NSMCE2: variants seen among roughly 807,000 people sequenced by gnomAD.
NSMCE2 encodes E3 SUMO-protein ligase NSE2.
NSMCE2 carries 24 observed loss-of-function variants against 23.8 expected under a neutral mutation model. That is an observed-to-expected ratio of 1.01 (90% CI 0.73 to 1.42). NSMCE2 has a LOEUF of 1.42. NSMCE2 is among the 40% of genes most tolerant of loss of function. The pLI is 0.00. For synonymous variants in NSMCE2, 92 were observed against 94.1 expected (o/e 0.98, Z 0.13); for missense variants, 284 against 296.5 (o/e 0.96, Z 0.31).
intron 5 of NSMCE2, among the ~76,000 whole-genome samples, chr8:125,184,599 A>C (rs1369676093): frequency 6.6e-6 from 1 of 152,170 alleles, no homozygotes; most frequent in Non-Finnish European, 1.5e-5. Context: ...AACAAGCAAA[A>C]TATTAATACT....
In NSMCE2 at chr8:125,261,835, G is replaced by A. The variant is rs56079107; in HGVS notation, c.418+79579G>A. Among the ~76,000 whole-genome samples the A allele has an allele frequency of 6.8e-3, 1,038 of 151,916 alleles. 10 individuals are homozygous for A. The highest frequency in any genetic ancestry group is 1.0e-2 in the Non-Finnish European group (679 of 67,960). On this transcript the variant is annotated intron_variant, in intron 5 of 7. Coordinates refer to ENST00000287437, the MANE Select transcript of NSMCE2 (RefSeq NM_173685.4). The stretch of plus-strand genomic sequence containing the variant: ...GTATTGGCTAGGCACAGTGGCTCAC[G>A]TCTGTAATCCCAGCACTTTGGGAGG...
intron 4 of NSMCE2, among the ~76,000 whole-genome samples, chr8:125,174,223 C>G (rs946992011): frequency 6.6e-6 from 1 of 152,052 alleles, no homozygotes; most frequent in African/African-American, 2.4e-5. Context: ...ATCCAAAAAC[C>G]TCTGAGCACA....
intron 5 of NSMCE2, among the ~76,000 whole-genome samples, chr8:125,194,451 G>A (rs1392389479): frequency 6.6e-6 from 1 of 152,198 alleles, no homozygotes; most frequent in Middle Eastern, 3.4e-3. Context: ...TTGCTGAGTA[G>A]TATCTCATCG....
At chr8:125,324,048 ATAT>A (rs535722372) in intron 5 of NSMCE2, among the ~76,000 whole-genome samples, 1 of 152,232 alleles carries the variant, frequency 6.6e-6, no homozygotes, top group South Asian at 2.1e-4. Flanking sequence ...CACTTAAAAT[ATAT>A]AGATGACAAG....
chr8:125,197,783 G>T (rs768860486), intron 5 of NSMCE2, among the ~76,000 whole-genome samples: 6 of 152,202 alleles, frequency 3.9e-5, no homozygotes, highest in Non-Finnish European at 7.3e-5. Context: ...ACTTTGGGCA[G>T]TATGGCCATT....
chr8:125,150,673 C>T (rs1336891367), intron 3 of NSMCE2, among the ~76,000 whole-genome samples: 2 of 152,064 alleles, frequency 1.3e-5, no homozygotes, highest in Non-Finnish European at 2.9e-5. Flanking sequence ...TTAGTCACCA[C>T]GCCCGGCTGC....
intron 4 of NSMCE2, among the ~76,000 whole-genome samples, chr8:125,175,110 GA>G (rs1395116181): frequency 1.3e-5 from 2 of 152,054 alleles, no homozygotes; most frequent in Non-Finnish European, 2.9e-5. Context: ...TGCCTTTTAA[GA>G]ACAACTTTAC....
intron 5 of NSMCE2, among the ~76,000 whole-genome samples, chr8:125,200,457 T>A (rs1051448747): frequency 6.6e-6 from 1 of 152,214 alleles, no homozygotes; most frequent in East Asian, 1.9e-4. Context: ...GGATATGAGA[T>A]TCTGGGTTGA....
intron 3 of NSMCE2, among the ~76,000 whole-genome samples, chr8:125,148,783 T>C (rs1042188154): frequency 6.6e-6 from 1 of 152,200 alleles, no homozygotes; most frequent in African/African-American, 2.4e-5. Context: ...ACCAATAGTC[T>C]ATTTTTCATT....
At chr8:125,169,758 C>T (rs1418122737) in intron 4 of NSMCE2, among the ~76,000 whole-genome samples, 16 of 151,660 alleles carry the variant, frequency 1.1e-4, no homozygotes, top group African/African-American at 2.4e-5. Flanking sequence ...TTTTCCATAA[C>T]TTTACCTTCT....
intron 5 of NSMCE2, among the ~76,000 whole-genome samples, chr8:125,283,833 A>G (rs1222001913): frequency 1.3e-5 from 2 of 152,120 alleles, no homozygotes; most frequent in Non-Finnish European, 1.5e-5. Flanking sequence ...GATCCACAGC[A>G]AGCATTGGAC....
chr8:125,183,508 A>G (rs1427315881), intron 5 of NSMCE2, among the ~76,000 whole-genome samples: 5 of 152,134 alleles, frequency 3.3e-5, no homozygotes, highest in African/African-American at 9.7e-5. Context: ...TAATTTGCCA[A>G]TGGCTTTCTG....
intron 7 of NSMCE2, among the ~76,000 whole-genome samples, chr8:125,360,661 CAGT>C (rs1354219286): frequency 6.6e-6 from 1 of 152,152 alleles, no homozygotes; most frequent in Non-Finnish European, 1.5e-5. Context: ...ATTTGGGCAG[CAGT>C]AGATTAGAAC....
At chr8:125,300,382 C>T (rs745506177) in intron 5 of NSMCE2, among the ~76,000 whole-genome samples, 5 of 151,952 alleles carry the variant, frequency 3.3e-5, no homozygotes, top group Non-Finnish European at 7.4e-5. Context: ...AGGCTGGTCT[C>T]GAACTCCTGA....
intron 3 of NSMCE2, among the ~76,000 whole-genome samples, chr8:125,133,956 C>G (rs1048061805): frequency 1.3e-5 from 2 of 152,106 alleles, no homozygotes; most frequent in Non-Finnish European, 2.9e-5. Context: ...GGCTCCAACC[C>G]CCAAGGCTTC....
intron 5 of NSMCE2, among the ~76,000 whole-genome samples, chr8:125,333,379 C>G (rs945273319): frequency 6.6e-6 from 1 of 151,618 alleles, no homozygotes; most frequent in Non-Finnish European, 1.5e-5. Context: ...ACTAAGTTGC[C>G]CAGGTTGGTC....
At chr8:125,262,089 T>C (rs1826716003) in intron 5 of NSMCE2, among the ~76,000 whole-genome samples, 2 of 133,290 alleles carry the variant, frequency 1.5e-5, no homozygotes, top group Non-Finnish European at 3.3e-5. Flanking sequence ...AGGGTGAGAC[T>C]CTGTCTCAAA....
chr8:125,261,004 A>G (rs1043474972), intron 5 of NSMCE2, among the ~76,000 whole-genome samples: 3 of 152,224 alleles, frequency 2.0e-5, no homozygotes, highest in African/African-American at 7.2e-5. Flanking sequence ...ACATAAGTGT[A>G]TTGGATGAAG....
At chr8:125,181,477 T>C (rs1290881422) in intron 4 of NSMCE2, among the ~76,000 whole-genome samples, 1 of 152,204 alleles carries the variant, frequency 6.6e-6, no homozygotes, top group African/African-American at 2.4e-5. Flanking sequence ...TGAGTGTTCA[T>C]AATATACTTC....
Sources: gnomAD v4.1 joint callset for allele counts (sites outside exome capture counted in the v4.1 genomes callset) on GRCh38, gnomAD v4.1.1 for gene constraint, MANE v1.5 for transcripts, NCBI Gene and HGNC (gene_info 2026-07-23, HGNC 2026-07-21) for gene names.